The following TRPC4 variants were observed in gnomAD, a reference collection of about 807,000 sequenced individuals.
TRPC4 encodes transient receptor potential cation channel subfamily C member 4.
TRPC4 carries 49 observed loss-of-function variants against 99.4 expected under a neutral mutation model. That is an observed-to-expected ratio of 0.49 (90% CI 0.39 to 0.63). TRPC4 has a LOEUF of 0.63. TRPC4 is among the 20% of genes least tolerant of loss of function. The pLI, the probability that TRPC4 is intolerant of heterozygous loss-of-function variation, is 0.00. For synonymous variants in TRPC4, 454 were observed against 425.9 expected (o/e 1.07, Z -0.81); for missense variants, 898 against 1,152.9 (o/e 0.78, Z 3.20).
At chr13:37,743,514 G>A (rs2139144635) in intron 3 of TRPC4, among the ~76,000 whole-genome samples, 1 of 152,200 alleles carries the variant, frequency 6.6e-6, no homozygotes, top group South Asian at 2.1e-4. Context: ...ATTTTTAGTG[G>A]TTCAGGAACA....
intron 1 of TRPC4, among the ~76,000 whole-genome samples, chr13:37,795,364 C>A (rs139734201): frequency 6.3e-4 from 96 of 152,220 alleles, no homozygotes; most frequent in Admixed American, 1.2e-3. Flanking sequence ...CACCACCAAA[C>A]CCTGACCAAA....
chr13:37,689,002 A>G (rs1953587398), intron 4 of TRPC4, among the ~76,000 whole-genome samples: 1 of 152,170 alleles, frequency 6.6e-6, no homozygotes, highest in South Asian at 2.1e-4. Context: ...ATAGTCATCA[A>G]ATCAGACTGT....
chr13:37,670,526 C>T (rs889047123), intron 5 of TRPC4, among the ~76,000 whole-genome samples: 20 of 152,214 alleles, frequency 1.3e-4, no homozygotes, highest in Middle Eastern at 3.4e-3. Context: ...TTATTTACTA[C>T]GGAGAATTAT....
chr13:37,823,258 AG>A (rs1156546638), intron 1 of TRPC4, among the ~76,000 whole-genome samples: 6 of 150,422 alleles, frequency 4.0e-5, no homozygotes, highest in Non-Finnish European at 7.4e-5. Flanking sequence ...TTTGCTGTGC[AG>A]AAGCTCTTTA....
intron 1 of TRPC4, among the ~76,000 whole-genome samples, chr13:37,866,848 G>T (rs1228975635): frequency 1.8e-5 from 1 of 54,712 alleles, no homozygotes; most frequent in Non-Finnish European, 3.8e-5. Context: ...ATTTTTTGTG[G>T]GGGGGGGCGG....
rs185306451 is a variant in TRPC4 at position 37,809,593 on chromosome 13, C to G, written c.-27-26233G>C. Among the ~76,000 whole-genome samples, 140 of 151,752 alleles carry G rather than the reference C, an allele frequency of 9.2e-4. No homozygotes were observed. In the South Asian group the frequency reaches 0.011, roughly 12 times the overall value. On this transcript the variant is annotated intron_variant, in intron 1 of 10. Transcript: ENST00000379705. ...ATAACATGTCTCAAGAGAGTGTAGA[C>G]ACAGAATGTTCAAGACAGGGGTTAT...
chr13:37,725,769 A>G (rs1023893703), intron 3 of TRPC4, among the ~76,000 whole-genome samples: 1 of 152,194 alleles, frequency 6.6e-6, no homozygotes, highest in Non-Finnish European at 1.5e-5. Context: ...GTACTTCCAA[A>G]GTGAGGGAGA....
At chr13:37,766,344 C>A (rs1428528321) in intron 2 of TRPC4, among the ~76,000 whole-genome samples, 1 of 151,328 alleles carries the variant, frequency 6.6e-6, no homozygotes, top group Non-Finnish European at 1.5e-5. Flanking sequence ...AGAATGAGGC[C>A]TCAGCAATTC....
chr13:37,842,143 A>G (rs9548071), intron 1 of TRPC4, among the ~76,000 whole-genome samples: 2 of 151,010 alleles, frequency 1.3e-5, no homozygotes, highest in Non-Finnish European at 3.0e-5. Context: ...GGTGGCATAC[A>G]CCTGTAATCC....
chr13:37,717,334 C>T (rs1954712019), intron 3 of TRPC4, among the ~76,000 whole-genome samples: 1 of 152,062 alleles, frequency 6.6e-6, no homozygotes, highest in African/African-American at 2.4e-5. Context: ...ATTTTAAATG[C>T]TATTGGCTAC....
chr13:37,650,262 C>A (rs1215469675), intron 8 of TRPC4, among the ~76,000 whole-genome samples: 1 of 151,996 alleles, frequency 6.6e-6, no homozygotes, highest in Non-Finnish European at 1.5e-5. Context: ...CTTGCTAATC[C>A]TAATATGATA....
At chr13:37,803,681 A>G (rs1448499834) in intron 1 of TRPC4, among the ~76,000 whole-genome samples, 1 of 152,114 alleles carries the variant, frequency 6.6e-6, no homozygotes, top group Non-Finnish European at 1.5e-5. Flanking sequence ...ACATAAAAAC[A>G]GAAGAAATTT....
chr13:37,759,944 C>T lies in TRPC4; in HGVS notation c.379-13489G>A, dbSNP rs185562077. ...GTTTTTCAAAAGAGAAAAGTTTGAA[C>T]AAATTGTAGAAACATATTCTTGTGT... On this transcript the variant is annotated intron_variant, in intron 2 of 10. Transcript: ENST00000379705. 7.4e-4 allele frequency among the ~76,000 whole-genome samples: 113 copies of T among 152,048 alleles called. 1 individual carries two copies. Among genetic ancestry groups the T allele is most frequent in the African/African-American group, 2.6e-3 (109 of 41,524 alleles).
intron 3 of TRPC4, among the ~76,000 whole-genome samples, chr13:37,732,573 G>A (rs1347437210): frequency 3.3e-5 from 5 of 152,018 alleles, no homozygotes; most frequent in Non-Finnish European, 7.4e-5. Context: ...AACCATAAAG[G>A]CTTCACAAAA....
intron 1 of TRPC4, among the ~76,000 whole-genome samples, chr13:37,845,698 A>G (rs562148224): frequency 3.3e-5 from 5 of 152,190 alleles, no homozygotes; most frequent in Admixed American, 1.3e-4. Flanking sequence ...TAACTTTTGC[A>G]TAGTAGGAAT....
intron 1 of TRPC4, among the ~76,000 whole-genome samples, chr13:37,814,941 CTACAG>C (rs897749901): frequency 6.6e-6 from 1 of 151,714 alleles, no homozygotes; most frequent in Non-Finnish European, 1.5e-5. Context: ...TACTAAGAAA[CTACAG>C]TAATCAAGAA....
intron 5 of TRPC4, among the ~76,000 whole-genome samples, chr13:37,672,022 A>T (rs988861329): frequency 1.4e-4 from 22 of 152,110 alleles, no homozygotes. Context: ...CCTCCTTTTC[A>T]TCACTGGGGT....
chr13:37,813,669 C>A (rs1305130452), intron 1 of TRPC4, among the ~76,000 whole-genome samples: 1 of 151,760 alleles, frequency 6.6e-6, no homozygotes, highest in Non-Finnish European at 1.5e-5. Context: ...ACCAAACAGA[C>A]TGAAGAAGAA....
intron 3 of TRPC4, among the ~76,000 whole-genome samples, chr13:37,710,531 T>C (rs1257196209): frequency 6.6e-6 from 1 of 152,078 alleles, no homozygotes; most frequent in East Asian, 1.9e-4. Context: ...TATGGTTGAA[T>C]GCATTTTGTA....
Sources: allele counts gnomAD v4.1 joint callset (sites outside exome capture counted in the v4.1 genomes callset), GRCh38; gene constraint gnomAD v4.1.1; transcripts MANE v1.5; gene names NCBI Gene and HGNC (gene_info 2026-07-23, HGNC 2026-07-21).